WIPI2: variants seen among roughly 807,000 people sequenced by gnomAD.
WIPI2 encodes WD repeat domain phosphoinositide-interacting protein 2.
A neutral mutation model predicts 52.3 loss-of-function variants in WIPI2; 28 were observed. That is an observed-to-expected ratio of 0.54 (90% CI 0.40 to 0.73). WIPI2 has a LOEUF of 0.73. WIPI2 is among the 30% of genes least tolerant of loss of function. WIPI2 has a pLI of 0.00. For missense variants in WIPI2, 506 were observed against 602.9 expected, an observed-to-expected ratio of 0.84 and a Z score of 1.68; for synonymous variants, 268 against 245.0, an observed-to-expected ratio of 1.09 and a Z score of -0.88.
Position 5,227,848 on chromosome 7 carries a change from T to A in WIPI2, c.1014-256T>A, listed in dbSNP as rs1783514715. Among the ~76,000 whole-genome samples, 1 of 152,226 alleles carries A rather than the reference T, an allele frequency of 6.6e-6. No homozygotes were observed. Reference sequence around the variant, plus strand: ...GCATCCTGGAAAACTTCTCTGACGATGACTACCTATAATAATCCCAGAAGC... The same window carrying A: ...GCATCCTGGAAAACTTCTCTGACGAAGACTACCTATAATAATCCCAGAAGC... On this transcript the variant is annotated intron_variant, in intron 10 of 12. Coordinates refer to ENST00000288828, the MANE Select transcript of WIPI2 (RefSeq NM_015610.4). The surrounding 1 kb of genome is among the most constrained non-coding windows in gnomAD (Gnocchi z 8.1).
At chr7:5,214,493 A>T (rs1195482615) in intron 3 of WIPI2, 42 bp from the exon 4 acceptor site, 1 of 1,614,028 alleles carries the variant, frequency 6.2e-7, no homozygotes, top group Non-Finnish European at 8.5e-7. Flanking sequence ...GGCCATAGCC[A>T]TGTGGAGATG....
intron 7 of WIPI2, 180 bp downstream of exon 7, chr7:5,218,194 A>G (rs1021288532): frequency 6.7e-6 from 4 of 595,916 alleles, no homozygotes; most frequent in Non-Finnish European, 9.0e-6. Flanking sequence ...CGGAGCTTGC[A>G]GTGTGCCACT....
intron 8 of WIPI2, 22 bp from the exon 9 acceptor site, chr7:5,225,801 C>G: frequency 6.3e-7 from 1 of 1,595,016 alleles, no homozygotes; most frequent in Non-Finnish European, 8.5e-7. Context: ...GGTGGCCCGC[C>G]CCAACCTGTG....
intron 3 of WIPI2, among the ~76,000 whole-genome samples, chr7:5,212,956 T>A (rs1782628655): frequency 6.6e-6 from 1 of 152,246 alleles, no homozygotes; most frequent in African/African-American, 2.4e-5. Flanking sequence ...CTGCAAATAA[T>A]TGACATTCTG....
intron 9 of WIPI2, chr7:5,226,482 G>C (rs1361973827): frequency 6.4e-6 from 1 of 155,326 alleles, no homozygotes; most frequent in African/African-American, 2.4e-5. Context: ...TCAGCCTCCT[G>C]AGTACCTGGG....
chr7:5,210,679 T>C (rs1463441723), intron 3 of WIPI2, among the ~76,000 whole-genome samples: 4 of 152,198 alleles, frequency 2.6e-5, no homozygotes, highest in African/African-American at 9.6e-5. Flanking sequence ...AACCTATTCT[T>C]TGAAAAAAAA....
intron 8 of WIPI2, among the ~76,000 whole-genome samples, chr7:5,223,223 G>C (rs533496137): frequency 6.6e-6 from 1 of 152,168 alleles, no homozygotes; most frequent in Non-Finnish European, 1.5e-5. Context: ...ACAGTAGAGC[G>C]GGGGAGGCCT....
intron 8 of WIPI2, among the ~76,000 whole-genome samples, chr7:5,224,540 G>C (rs4538779): frequency 0.94 from 143,783 of 152,268 alleles, 67,962 homozygotes; most frequent in African/African-American, 0.98. Context: ...AAATCAGTCT[G>C]TCTGAGCATT....
chr7:5,223,556 G>C (rs1225514585), intron 8 of WIPI2, among the ~76,000 whole-genome samples: 3 of 152,136 alleles, frequency 2.0e-5, no homozygotes, highest in African/African-American at 7.2e-5. Flanking sequence ...CTGTGTTGCT[G>C]CTTCTGCCCA....
At chr7:5,222,401 G>A (rs756578794) in intron 7 of WIPI2, among the ~76,000 whole-genome samples, 1 of 152,218 alleles carries the variant, frequency 6.6e-6, no homozygotes, top group Non-Finnish European at 1.5e-5. Context: ...CAATAGAACA[G>A]GGGAGTGTTT....
chr7:5,204,977 A>G (rs141126215), intron 3 of WIPI2, among the ~76,000 whole-genome samples: 48 of 151,724 alleles, frequency 3.2e-4, no homozygotes, highest in African/African-American at 1.1e-3. Context: ...TGCCCGGCCT[A>G]TTAGTCTTTT....
chr7:5,225,921 T>C lies in WIPI2; in HGVS notation c.839T>C (p.Val280Ala). ...ETVHIFKLET[V>A]KEKPPEEPTT... ...GTGCACATCTTCAAACTCGAGACTG[T>C]GAAAGAAAAGTGAGTTGCAAATATA... is the stretch of plus-strand genomic sequence containing the variant. Residue 280 changes from valine to alanine, a missense_variant, in exon 9 of 13, where the codon GTG becomes GCG. Val to Ala is a moderately conservative substitution (Grantham distance 64). This residue lies in a region of WIPI2 where 237 missense variants were observed against 346.9 expected (regional missense o/e 0.68). Coordinates refer to ENST00000288828, the MANE Select transcript of WIPI2 (RefSeq NM_015610.4). 1 of 1,613,522 alleles carries C rather than the reference T, an allele frequency of 6.2e-7. No individual in the cohort carries two copies. The highest frequency in any genetic ancestry group is 1.1e-5 in the South Asian group (1 of 90,918).
chr7:5,216,116 T>C (rs1011412405), intron 4 of WIPI2: 7 of 152,952 alleles, frequency 4.6e-5, no homozygotes, highest in Admixed American at 4.5e-4. Flanking sequence ...TTCTTGATTG[T>C]TGATGGAAAG....
chr7:5,225,226 T>C (rs937374730), intron 8 of WIPI2, among the ~76,000 whole-genome samples: 5 of 152,062 alleles, frequency 3.3e-5, no homozygotes, highest in East Asian at 1.9e-4. Flanking sequence ...CTGCAACCTC[T>C]GCCTCCCAGG....
chr7:5,190,687 G>A (rs1426172124), intron 1 of WIPI2, 194 bp downstream of exon 1: 1 of 437,590 alleles, frequency 2.3e-6, no homozygotes, highest in East Asian at 3.8e-5. Flanking sequence ...TCGGGTGCTG[G>A]CCTGGAGCTG....
chr7:5,197,273 T>C (rs1393229540), intron 2 of WIPI2, among the ~76,000 whole-genome samples: 1 of 151,994 alleles, frequency 6.6e-6, no homozygotes, highest in African/African-American at 2.4e-5. Flanking sequence ...TTAAGAACAA[T>C]TTGTTTTTTT....
At chr7:5,209,729 T>C (rs1324853178) in intron 3 of WIPI2, among the ~76,000 whole-genome samples, 4 of 152,116 alleles carry the variant, frequency 2.6e-5, no homozygotes, top group Non-Finnish European at 4.4e-5. Context: ...TTCTCTTTCC[T>C]TCTTCAGGTG....
Position 5,233,635 on chromosome 7 carries a change from C to T in WIPI2, c.*2688C>T, listed in dbSNP as rs565362645. On this transcript the variant is annotated 3_prime_UTR_variant, in exon 13 of 13. Transcript: ENST00000288828. ...AGTCAAAAAGAACTGCTTCAGTCCC[C>T]GCTGTACCGCCTGCCTAGCTGTGGG... The T allele has an allele frequency of 2.0e-5, 3 of 152,568 alleles. No homozygotes were observed. Among genetic ancestry groups the T allele is most frequent in the East Asian group, 1.9e-4 (1 of 5,172 alleles). The allele number at this position is 152,568 out of a possible 1,614,324, so 9.5% of individuals were successfully genotyped here.
intron 4 of WIPI2, chr7:5,216,351 G>T: frequency 2.7e-6 from 1 of 371,296 alleles, no homozygotes; most frequent in Non-Finnish European, 5.0e-6. Context: ...AAAATCACTT[G>T]AACCCGGAAG....
Sources: gnomAD v4.1 joint callset for allele counts (sites outside exome capture counted in the v4.1 genomes callset) on GRCh38, gnomAD v4.1.1 for gene constraint, gnomAD v4.1.1 regional missense constraint, Gnocchi (gnomAD v3.1) non-coding constraint, MANE v1.5 for transcripts, NCBI Gene and HGNC (gene_info 2026-07-23, HGNC 2026-07-21) for gene names.